Variants in GRIA3 observed in about 807,000 individuals in gnomAD.
GRIA3 encodes the protein glutamate receptor 3.
GRIA3 carries 3 observed loss-of-function variants against 63.0 expected under a neutral mutation model. The observed-to-expected ratio is 0.05, with a 90% CI of 0.02 to 0.12. The LOEUF (loss-of-function observed/expected upper bound fraction) is 0.12. Ranked by LOEUF, GRIA3 falls within the 10% of genes least tolerant of loss-of-function variation. GRIA3 has a pLI of 1.00. For missense variants in GRIA3, 347 were observed against 700.9 expected, an observed-to-expected ratio of 0.50 and a Z score of 5.70; for synonymous variants, 274 against 257.9, an observed-to-expected ratio of 1.06 and a Z score of -0.60.
intron 5 of GRIA3, among the ~76,000 whole-genome samples, chrX:123,360,695 CAAAAA>C (rs751591594): frequency 1.9e-5 from 1 of 52,427 alleles, no homozygotes. Flanking sequence ...GACTCTGTCT[CAAAAA>C]AAAAAAAAAA....
At chrX:123,433,499 G>C (rs1006987821) in intron 12 of GRIA3, among the ~76,000 whole-genome samples, 1 of 111,813 alleles carries the variant, frequency 8.9e-6, no homozygotes, top group Non-Finnish European at 1.9e-5. Context: ...CATATAAGAA[G>C]TCAATTGTCT....
intron 3 of GRIA3, among the ~76,000 whole-genome samples, chrX:123,260,432 G>T (rs2044447372): frequency 1.5e-4 from 2 of 12,943 alleles, no homozygotes; most frequent in East Asian, 0.014. Flanking sequence ...CAGACAGAAA[G>T]AAAGAAAGAA....
chrX:123,348,447 G>C (rs1022709782), intron 4 of GRIA3, among the ~76,000 whole-genome samples: 4 of 111,468 alleles, frequency 3.6e-5, no homozygotes, highest in Non-Finnish European at 7.5e-5. Flanking sequence ...CCTTTGCTGT[G>C]ATACTCTAGA....
intron 3 of GRIA3, among the ~76,000 whole-genome samples, chrX:123,288,663 A>G (rs1253155078): frequency 8.9e-6 from 1 of 112,525 alleles, no homozygotes; most frequent in African/African-American, 3.2e-5. Flanking sequence ...AACATATGAA[A>G]AAAAAAGCTC....
chrX:123,224,506 GT>G (rs1271777218), intron 2 of GRIA3, among the ~76,000 whole-genome samples: 1 of 110,992 alleles, frequency 9.0e-6, no homozygotes, highest in Non-Finnish European at 1.9e-5. Context: ...TATTCTCCTC[GT>G]TTTTTTCCAG....
intron 4 of GRIA3, among the ~76,000 whole-genome samples, chrX:123,333,749 C>T (rs1482877380): frequency 9.0e-6 from 1 of 110,973 alleles, no homozygotes; most frequent in Admixed American, 9.6e-5. Flanking sequence ...AAGAGGAGAT[C>T]CCATTCCTCT....
intron 11 of GRIA3, among the ~76,000 whole-genome samples, chrX:123,420,784 T>G (rs2147395926): frequency 9.0e-6 from 1 of 111,601 alleles, no homozygotes; most frequent in African/African-American, 3.2e-5. Context: ...TTGAACAGGT[T>G]TGTTAATGTC....
At chrX:123,377,085 C>G (rs1419657239) in intron 5 of GRIA3, among the ~76,000 whole-genome samples, 3 of 109,805 alleles carry the variant, frequency 2.7e-5, no homozygotes, top group African/African-American at 9.9e-5. Flanking sequence ...TAGGCGCCCG[C>G]CACCATGCCC....
intron 11 of GRIA3, among the ~76,000 whole-genome samples, chrX:123,422,385 G>A (rs1032092933): frequency 1.8e-5 from 2 of 112,414 alleles, no homozygotes; most frequent in Non-Finnish European, 3.8e-5. Flanking sequence ...GAAGCTGGAG[G>A]CTGAGCTAAC....
chrX:123,457,458 G>A (rs1443221677), intron 12 of GRIA3, among the ~76,000 whole-genome samples: 2 of 111,691 alleles, frequency 1.8e-5, no homozygotes, highest in African/African-American at 3.3e-5. Context: ...TACAATGATG[G>A]AAATGGACAA....
chrX:123,233,641 G>A (rs928719149), intron 2 of GRIA3, among the ~76,000 whole-genome samples: 1 of 111,783 alleles, frequency 8.9e-6, no homozygotes, highest in Non-Finnish European at 1.9e-5. Flanking sequence ...TAGGCTTTTA[G>A]TTACTAAGAT....
chrX:123,234,976 T>C (rs1316955185), intron 2 of GRIA3, among the ~76,000 whole-genome samples: 2 of 111,317 alleles, frequency 1.8e-5, no homozygotes, highest in East Asian at 2.8e-4. Context: ...TAAAATTAAA[T>C]TGGTACCCTG....
chrX:123,362,303 G>A (rs1458342615), intron 5 of GRIA3, among the ~76,000 whole-genome samples: 1 of 111,844 alleles, frequency 8.9e-6, no homozygotes, highest in Non-Finnish European at 1.9e-5. Context: ...TGAATAAAGA[G>A]AAGGCAGATT....
At chrX:123,481,804 T>C (rs5910006) in intron 14 of GRIA3, among the ~76,000 whole-genome samples, 40,025 of 111,107 alleles carry the variant, frequency 0.36, 5,570 homozygotes, top group South Asian at 0.53. Flanking sequence ...GCAGTTCAGA[T>C]TTTGCTTTTT....
At chrX:123,284,625 C>T (rs1017980879) in intron 3 of GRIA3, among the ~76,000 whole-genome samples, 1 of 109,486 alleles carries the variant, frequency 9.1e-6, no homozygotes, top group Non-Finnish European at 1.9e-5. Context: ...ATAGCTGAAT[C>T]GATCAAGCAG....
At chrX:123,375,310 T>G (rs1226075403) in intron 5 of GRIA3, among the ~76,000 whole-genome samples, 1 of 112,346 alleles carries the variant, frequency 8.9e-6, no homozygotes, top group African/African-American at 3.2e-5. Context: ...TGAATGACAT[T>G]GTTAACATAT....
intron 6 of GRIA3, among the ~76,000 whole-genome samples, chrX:123,396,403 C>T (rs1043656926): frequency 5.4e-5 from 6 of 110,102 alleles, no homozygotes; most frequent in African/African-American, 1.7e-4. Flanking sequence ...GTTAAACATA[C>T]TTTTTTCGTT....
chrX:123,302,658 G>A (rs2044730873), intron 3 of GRIA3, among the ~76,000 whole-genome samples: 1 of 111,423 alleles, frequency 9.0e-6, no homozygotes, highest in South Asian at 3.8e-4. Context: ...CTGAATTTCT[G>A]AGGATCATTA....
At chrX:123,357,828 G>A (rs1225222937) in intron 5 of GRIA3, among the ~76,000 whole-genome samples, 2 of 111,305 alleles carry the variant, frequency 1.8e-5, no homozygotes, top group Non-Finnish European at 1.9e-5. Context: ...ATGAAAATGT[G>A]ACTTCCTTTA....
Sources: gnomAD v4.1 joint callset for allele counts (sites outside exome capture counted in the v4.1 genomes callset) on GRCh38, gnomAD v4.1.1 for gene constraint, MANE v1.5 for transcripts, NCBI Gene and HGNC (gene_info 2026-07-23, HGNC 2026-07-21) for gene names.